SLC22A25: variants seen among roughly 807,000 people sequenced by gnomAD.
SLC22A25 encodes the protein solute carrier family 22 member 25.
Under a neutral mutation model 45.9 loss-of-function variants are expected in SLC22A25, and 44 were observed. That is an observed-to-expected ratio of 0.96 (90% confidence interval 0.75 to 1.23). The LOEUF (loss-of-function observed/expected upper bound fraction) is 1.23. SLC22A25 is among the 50% of genes most tolerant of loss of function. SLC22A25 has a pLI of 0.00. For missense variants in SLC22A25, 800 were observed against 666.4 expected (o/e 1.20, Z -2.21); for synonymous variants, 283 against 238.6 (o/e 1.19, Z -1.72).
chr11:63,171,261 A>T (rs2087874018), intron 9 of SLC22A25, among the ~76,000 whole-genome samples: 1 of 152,222 alleles, frequency 6.6e-6, no homozygotes, highest in Non-Finnish European at 1.5e-5. Flanking sequence ...CAAGACAAGA[A>T]TGCCCTCTCT....
At chr11:63,236,644 A>G (rs543551696) in intron 3 of SLC22A25, among the ~76,000 whole-genome samples, 2 of 151,702 alleles carry the variant, frequency 1.3e-5, no homozygotes, top group East Asian at 3.9e-4. Flanking sequence ...TGCTGCACCC[A>G]CTGTCCTGCA....
rs755240932 is a variant in SLC22A25, at chr11:63,237,251, C to T, written c.-445+630G>A. Among the ~76,000 whole-genome samples, 32 of 152,138 alleles carry T rather than the reference C, an allele frequency of 2.1e-4. 1 individual carries two copies. The highest frequency in any genetic ancestry group is 1.5e-4 in the Non-Finnish European group (10 of 68,026). On this transcript the variant is annotated intron_variant, in intron 3 of 11. Transcript: ENST00000306494. ...AAACCCCACTGTTGGGTACTGTGCT[C>T]ACTGCCTGGGTATAATATACCCATA...
chr11:63,230,281 A>G (rs368660840), intron 3 of SLC22A25, among the ~76,000 whole-genome samples, 185 bp from the exon 4 acceptor site: 33 of 152,350 alleles, frequency 2.2e-4, no homozygotes, highest in African/African-American at 7.5e-4. Context: ...ATTACTTCAA[A>G]TGTGGGGAGA....
Position 63,217,300 on chromosome 11 carries a change from T to C in SLC22A25, c.830+14A>G. The C allele has an allele frequency of 6.2e-7, 1 of 1,609,446 alleles. No homozygotes were observed. Among genetic ancestry groups the C allele is most frequent in the Non-Finnish European group, 8.5e-7 (1 of 1,177,864 alleles). ...AGGATGTCATATGGCAAAAGAAGAA[T>C]GCAAGCTCAATACCTTGAGAACAGA... On this transcript the variant is annotated intron_variant, in intron 7 of 11. Coordinates refer to ENST00000306494, the MANE Select transcript of SLC22A25 (RefSeq NM_199352.6).
intron 5 of SLC22A25, among the ~76,000 whole-genome samples, chr11:63,224,116 C>G (rs2089908125): frequency 6.6e-6 from 1 of 151,976 alleles, no homozygotes; most frequent in Admixed American, 6.6e-5. Context: ...GTAATATTTT[C>G]TTTATGTATC....
chr11:63,233,135 G>C (rs1418090495), intron 3 of SLC22A25, among the ~76,000 whole-genome samples: 1 of 152,164 alleles, frequency 6.6e-6, no homozygotes, highest in Non-Finnish European at 1.5e-5. Context: ...GTATCAGGAT[G>C]ATGCTGGCCT....
intron 5 of SLC22A25, chr11:63,218,062 A>G: frequency 1.9e-6 from 1 of 519,856 alleles, no homozygotes; most frequent in Non-Finnish European, 3.7e-6. Context: ...TGTTCTACCA[A>G]AAAGATACAC....
chr11:63,208,109 T>A (rs1228987730), intron 7 of SLC22A25: 1 of 152,266 alleles, frequency 6.6e-6, no homozygotes, highest in Non-Finnish European at 1.5e-5. Flanking sequence ...ATTTACTGTC[T>A]CCTTTGCCTG....
At chr11:63,218,979 T>C (rs945787176) in intron 5 of SLC22A25, among the ~76,000 whole-genome samples, 1 of 152,234 alleles carries the variant, frequency 6.6e-6, no homozygotes, top group Non-Finnish European at 1.5e-5. Flanking sequence ...GGCATGATTT[T>C]GTAGTGGAAA....
At chr11:63,220,212 T>C (rs561982340) in intron 5 of SLC22A25, among the ~76,000 whole-genome samples, 2 of 152,294 alleles carry the variant, frequency 1.3e-5, no homozygotes, top group East Asian at 3.9e-4. Flanking sequence ...ACACCATCAA[T>C]GACACCTTGA....
chr11:63,238,798 T>C lies in SLC22A25; in HGVS notation c.-658A>G. The stretch of plus-strand genomic sequence containing the variant: ...CGGTTCCATGTCTGGTTCATTCATA[T>C]TGAGGAATGTCCCATTCAGGTGAAG... On this transcript the variant is annotated 5_prime_UTR_variant, in exon 2 of 12. Transcript: ENST00000306494. 1 of 241,280 alleles carries C rather than the reference T, an allele frequency of 4.1e-6. No homozygotes were observed. Among genetic ancestry groups the C allele is most frequent in the Non-Finnish European group, 8.9e-6 (1 of 112,290 alleles). 14.9% of individuals were successfully genotyped at this position (241,280 alleles called of 1,614,324 possible).
intron 3 of SLC22A25, among the ~76,000 whole-genome samples, chr11:63,231,635 C>G (rs1368246988): frequency 3.9e-5 from 6 of 152,140 alleles, no homozygotes; most frequent in African/African-American, 1.4e-4. Context: ...TTGCTGTGCA[C>G]AAGCTCTCTC....
chr11:63,233,276 G>T (rs944358936), intron 3 of SLC22A25, among the ~76,000 whole-genome samples: 3 of 152,094 alleles, frequency 2.0e-5, no homozygotes, highest in East Asian at 1.9e-4. Flanking sequence ...GACTTATTTT[G>T]GTTGGTAAGC....
chr11:63,192,618 G>C (rs1483313213), intron 7 of SLC22A25, among the ~76,000 whole-genome samples: 1 of 152,100 alleles, frequency 6.6e-6, no homozygotes, highest in East Asian at 1.9e-4. Context: ...AGCACACACA[G>C]GCTCAAAGTT....
chr11:63,211,850 C>G (rs1193649), intron 7 of SLC22A25, among the ~76,000 whole-genome samples: 22 of 144,310 alleles, frequency 1.5e-4, no homozygotes, highest in Admixed American at 1.5e-3. Context: ...TTCTGCACAG[C>G]AAAAGAAACT....
chr11:63,217,555 A>G, intron 6 of SLC22A25, 26 bp downstream of exon 6: 1 of 1,610,446 alleles, frequency 6.2e-7, no homozygotes, highest in Non-Finnish European at 8.5e-7. Context: ...AGGCTTGGAA[A>G]ATGTGGATCG....
intron 5 of SLC22A25, among the ~76,000 whole-genome samples, chr11:63,225,221 A>G (rs1420285677): frequency 1.3e-5 from 2 of 152,228 alleles, no homozygotes; most frequent in Non-Finnish European, 1.5e-5. Flanking sequence ...TACTACTAGC[A>G]GGGAGTTTTA....
At chr11:63,237,213 G>A (rs1422426482) in intron 3 of SLC22A25, among the ~76,000 whole-genome samples, 1 of 152,106 alleles carries the variant, frequency 6.6e-6, no homozygotes, top group Non-Finnish European at 1.5e-5. Flanking sequence ...GGGAGGAAAG[G>A]TATAGGTTGA....
intron 7 of SLC22A25, among the ~76,000 whole-genome samples, chr11:63,186,826 G>T (rs1670808233): frequency 6.6e-6 from 1 of 151,990 alleles, no homozygotes; most frequent in South Asian, 2.1e-4. Context: ...TCTTGTTTTT[G>T]TCAGGTTTGT....
Sources: allele counts gnomAD v4.1 joint callset (sites outside exome capture counted in the v4.1 genomes callset), GRCh38; gene constraint gnomAD v4.1.1; transcripts MANE v1.5; gene names NCBI Gene and HGNC (gene_info 2026-07-23, HGNC 2026-07-21).